The following ARHGAP29 variants were observed in gnomAD, a reference collection of about 807,000 sequenced individuals.
ARHGAP29 encodes Rho GTPase activating protein 29.
A neutral mutation model predicts 122.6 loss-of-function variants in ARHGAP29; 43 were observed. The ratio of observed to expected loss-of-function variants is 0.35; its 90% CI spans 0.27 to 0.45. The LOEUF (loss-of-function observed/expected upper bound fraction) is 0.45. Ranked by LOEUF, ARHGAP29 falls within the 20% of genes least tolerant of loss-of-function variation. ARHGAP29 has a pLI of 1.00. For synonymous variants in ARHGAP29, 506 were observed against 497.1 expected (o/e 1.02, Z -0.24); for missense variants, 1,303 against 1,477.2 (o/e 0.88, Z 1.93).
intron 14 of ARHGAP29, 50 bp downstream of exon 14, chr1:94,189,166 A>G: frequency 6.4e-7 from 1 of 1,552,908 alleles, no homozygotes. Context: ...ATCACATTCG[A>G]ACAACCTGAC....
At chr1:94,282,477 G>A in the ARHGAP29 span, among the ~76,000 whole-genome samples, 1 of 151,722 alleles carries the variant, frequency 6.6e-6, no homozygotes, top group Non-Finnish European at 1.5e-5. Context: ...GTAGAGAGAA[G>A]GTTTTGCCAT....
chr1:94,223,428 A>T lies in ARHGAP29; in HGVS notation c.206-3036T>A, dbSNP rs559285930. Among the ~76,000 whole-genome samples the T allele has an allele frequency of 7.2e-5, 11 of 151,804 alleles. No homozygotes were observed. In the South Asian group the frequency reaches 1.0e-3, roughly 14 times the overall value. On this transcript the variant is annotated intron_variant, in intron 2 of 22. Coordinates refer to ENST00000260526, the MANE Select transcript of ARHGAP29 (RefSeq NM_004815.4). Reference sequence around the variant, plus strand: ...CTGTGCCTCAGTTTCCTCATCTATAAAAAAAAAGATAAGGTAGCTAGTTCA... The same window carrying T: ...CTGTGCCTCAGTTTCCTCATCTATATAAAAAAAGATAAGGTAGCTAGTTCA...
In ARHGAP29 at chr1:94,209,338, G is replaced by A. The variant is rs940546746; in HGVS notation, c.353C>T (p.Thr118Ile). The change falls in exon 4 of 23, where the codon ACA becomes ATA. Residue 118 changes from threonine to isoleucine, a missense_variant. By Grantham distance (89) the Thr-to-Ile change is moderately conservative. Around this residue, in one of 3 missense-constraint regions of ARHGAP29, gnomAD observed 592 missense variants for 648.2 expected, o/e 0.91. Coordinates refer to ENST00000260526, the MANE Select transcript of ARHGAP29 (RefSeq NM_004815.4). ...GTTTTTGTTTTCTTCATTAACTTCT[G>A]TGAAGTTCACAGCTGTAAGGAAAAG... The part of the protein sequence containing the change: ...LTAKVKAVNF[T>I]EVNEENKNDL... 1.2e-6 allele frequency: 2 copies of A among 1,605,040 alleles called. No homozygotes were observed. Among genetic ancestry groups the A allele is most frequent in the Non-Finnish European group, 8.5e-7 (1 of 1,176,800 alleles).
At chr1:94,190,230 T>C (rs1650055898) in intron 12 of ARHGAP29, 147 bp from the exon 13 acceptor site, 3 of 752,238 alleles carry the variant, frequency 4.0e-6, no homozygotes, top group Non-Finnish European at 6.0e-6. Flanking sequence ...CTATGATGCC[T>C]GATTTTGCAT....
chr1:94,286,392 G>A, the ARHGAP29 span, among the ~76,000 whole-genome samples: 1 of 152,178 alleles, frequency 6.6e-6, no homozygotes, highest in African/African-American at 2.4e-5. Flanking sequence ...TTTAGTCTGA[G>A]CATGGTGGCT....
rs762267806 is a variant in ARHGAP29, at chr1:94,174,433, C to T, written c.3222G>A (p.Gln1074=). 32 of 1,614,062 alleles carry T rather than the reference C, an allele frequency of 2.0e-5. 1 individual carries two copies. Among genetic ancestry groups the T allele is most frequent in the Middle Eastern group, 1.6e-4 (1 of 6,084 alleles). ...TVCSKFNGFD[Q]QTLQKIQDKQ... is the part of the protein sequence containing the mutation. ...TGTCCTGAATTTTCTGTAGAGTTTG[C>T]TGGTCAAAGCCATTAAATTTGGAAC... The change falls in exon 23 of 23, where the codon CAG becomes CAA. Residue 1074 remains glutamine (Q), a synonymous_variant. Transcript: ENST00000260526.
chr1:94,228,403 T>C (rs2101606387), intron 2 of ARHGAP29, among the ~76,000 whole-genome samples: 1 of 151,928 alleles, frequency 6.6e-6, no homozygotes, highest in South Asian at 2.1e-4. Flanking sequence ...ACTGATAGCA[T>C]CTGGTACAAG....
intron 1 of ARHGAP29, among the ~76,000 whole-genome samples, chr1:94,272,864 G>A (rs1655044120): frequency 6.6e-6 from 1 of 152,136 alleles, no homozygotes; most frequent in Admixed American, 6.6e-5. Context: ...CTGCTTCTTG[G>A]AGGACACAAA....
chr1:94,231,336 C>T (rs758304287), intron 2 of ARHGAP29, 71 bp downstream of exon 2: 36 of 1,336,516 alleles, frequency 2.7e-5, no homozygotes, highest in Non-Finnish European at 3.3e-5. Context: ...TGTGTACAAA[C>T]TTATCTGCTA....
intron 2 of ARHGAP29, among the ~76,000 whole-genome samples, chr1:94,229,730 T>C (rs1652818130): frequency 6.6e-6 from 1 of 151,720 alleles, no homozygotes; most frequent in South Asian, 2.1e-4. Context: ...TTCTGTATCT[T>C]ATTTTTTTCT....
intron 11 of ARHGAP29, 163 bp downstream of exon 11, chr1:94,202,381 T>C: frequency 1.3e-6 from 1 of 763,650 alleles, no homozygotes; most frequent in Non-Finnish European, 2.1e-6. Context: ...TGAGAGCCTA[T>C]TAAAAAATGT....
At chr1:94,268,390 C>T (rs1488493130) in intron 1 of ARHGAP29, among the ~76,000 whole-genome samples, 1 of 152,114 alleles carries the variant, frequency 6.6e-6, no homozygotes, top group East Asian at 1.9e-4. Context: ...CCCTCCCCTA[C>T]TCCTGCCACA....
At chr1:94,306,776 G>T in the ARHGAP29 span, among the ~76,000 whole-genome samples, 2 of 152,114 alleles carry the variant, frequency 1.3e-5, no homozygotes, top group African/African-American at 4.8e-5. Flanking sequence ...GAAAGAAAAC[G>T]TTAGGGGAAA....
chr1:94,224,796 G>T (rs1186524229), intron 2 of ARHGAP29, among the ~76,000 whole-genome samples: 1 of 152,120 alleles, frequency 6.6e-6, no homozygotes, highest in African/African-American at 2.4e-5. Flanking sequence ...CAGCACAAAT[G>T]GTCTACGAAC....
In ARHGAP29 at chr1:94,174,046, C is replaced by T. The variant is rs371014896; in HGVS notation, c.3609G>A (p.Val1203=). Reference sequence around the variant, plus strand: ...CTTTGTCTGGGTCTGGCATTGACTTCACCACGAGACCGTGGGGATCGTGAT... The same window carrying T: ...CTTTGTCTGGGTCTGGCATTGACTTTACCACGAGACCGTGGGGATCGTGAT... The part of the protein sequence containing the change: ...GTDHDPHGLV[V]KSMPDPDKAS... Residue 1203 remains valine, a synonymous_variant, in exon 23 of 23, where the codon GTG becomes GTA. Coordinates refer to ENST00000260526, the MANE Select transcript of ARHGAP29 (RefSeq NM_004815.4). 6.2e-7 allele frequency: 1 copy of T among 1,614,066 alleles called. No individual in the cohort carries two copies. Among genetic ancestry groups the T allele is most frequent in the African/African-American group, 1.3e-5 (1 of 74,926 alleles).
intron 1 of ARHGAP29, among the ~76,000 whole-genome samples, chr1:94,268,492 G>T (rs966707763): frequency 5.9e-5 from 9 of 151,866 alleles, no homozygotes; most frequent in Admixed American, 5.9e-4. Flanking sequence ...CTAATATACT[G>T]CATACTTTTT....
chr1:94,224,200 T>C (rs924139065), intron 2 of ARHGAP29, among the ~76,000 whole-genome samples: 10 of 152,256 alleles, frequency 6.6e-5, no homozygotes, highest in African/African-American at 1.7e-4. Context: ...AGTTGGTATA[T>C]GCTAGTACTT....
chr1:94,237,560 C>G lies in ARHGAP29; in HGVS notation c.-178G>C. On this transcript the variant is annotated 5_prime_UTR_variant, in exon 1 of 23. Transcript: ENST00000260526. ...TCTCAGCCGCAGCCGCAGCCGCAGC[C>G]ACAGCCACAGGCACCACCACCACTG... 1.0e-6 allele frequency: 1 copy of G among 991,410 alleles called. No individual in the cohort carries two copies. 61.4% of individuals were successfully genotyped at this position (991,410 alleles called of 1,614,324 possible).
intron 1 of ARHGAP29, among the ~76,000 whole-genome samples, chr1:94,259,445 C>T (rs1193154339): frequency 6.6e-6 from 1 of 152,114 alleles, no homozygotes; most frequent in Non-Finnish European, 1.5e-5. Context: ...AGGATGTAAG[C>T]TTGTTTGGAA....
Sources: gnomAD v4.1 joint callset for allele counts (sites outside exome capture counted in the v4.1 genomes callset) on GRCh38, gnomAD v4.1.1 for gene constraint, gnomAD v4.1.1 regional missense constraint, MANE v1.5 for transcripts, NCBI Gene and HGNC (gene_info 2026-07-23, HGNC 2026-07-21) for gene names.